Variants in UNC5D observed in about 807,000 individuals in gnomAD.
UNC5D encodes the protein unc-5 netrin receptor D.
In UNC5D, 39 loss-of-function variants were observed where a neutral mutation model predicts 105.4. The ratio of observed to expected loss-of-function variants is 0.37; its 90% CI spans 0.29 to 0.48. The LOEUF (loss-of-function observed/expected upper bound fraction) is 0.48, where lower values mean the gene tolerates loss of function less well. UNC5D is among the 20% of genes least tolerant of loss of function. The probability of loss-of-function intolerance (pLI) is 0.98; values close to 1 mark genes in which losing one functional copy is unlikely to be tolerated. For synonymous variants in UNC5D, 452 were observed against 450.4 expected, an observed-to-expected ratio of 1.00 and a Z score of -0.04; for missense variants, 991 against 1,202.4, an observed-to-expected ratio of 0.82 and a Z score of 2.60.
At chr8:35,292,716 C>CTTT (rs35935733) in intron 1 of UNC5D, among the ~76,000 whole-genome samples, 70 of 123,614 alleles carry the variant, frequency 5.7e-4, no homozygotes, top group South Asian at 7.9e-4. Flanking sequence ...CTTTTTTTTC[C>CTTT]TTTTTTTTTT....
intron 1 of UNC5D, among the ~76,000 whole-genome samples, chr8:35,457,396 C>T (rs1220278461): frequency 2.6e-5 from 4 of 152,132 alleles, no homozygotes; most frequent in Non-Finnish European, 5.9e-5. Flanking sequence ...AACAGAATGA[C>T]AATGACCAGG....
intron 1 of UNC5D, among the ~76,000 whole-genome samples, chr8:35,421,424 CAAATT>C (rs992278147): frequency 2.6e-5 from 4 of 152,098 alleles, no homozygotes; most frequent in African/African-American, 9.7e-5. Context: ...TATATAAACA[CAAATT>C]AAAAGGCCAC....
chr8:35,493,281 C>CAAAAAAAAAA (rs35199794), intron 1 of UNC5D, among the ~76,000 whole-genome samples: 2 of 67,166 alleles, frequency 3.0e-5, no homozygotes, highest in East Asian at 5.0e-4. Flanking sequence ...AGTCTGTGAC[C>CAAAAAAAAAA]AAAAAAAAAA....
intron 1 of UNC5D, among the ~76,000 whole-genome samples, chr8:35,311,775 C>T (rs553648524): frequency 2.6e-5 from 4 of 152,028 alleles, no homozygotes; most frequent in African/African-American, 9.6e-5. Context: ...GAAGGAAGAC[C>T]CTAGAGACAA....
chr8:35,471,877 A>G (rs1051515730), intron 1 of UNC5D, among the ~76,000 whole-genome samples: 1 of 152,216 alleles, frequency 6.6e-6, no homozygotes, highest in African/African-American at 2.4e-5. Context: ...ACTGAGATAT[A>G]TTGATGCCTT....
chr8:35,739,813 G>A (rs1452508461), intron 11 of UNC5D, among the ~76,000 whole-genome samples: 1 of 151,974 alleles, frequency 6.6e-6, no homozygotes, highest in Non-Finnish European at 1.5e-5. Context: ...TTTTGTTATA[G>A]CCTAATAAAA....
intron 1 of UNC5D, among the ~76,000 whole-genome samples, chr8:35,324,677 A>G (rs1810019156): frequency 6.6e-6 from 1 of 152,216 alleles, no homozygotes; most frequent in Non-Finnish European, 1.5e-5. Flanking sequence ...AATATTCAGC[A>G]TGAGATGACC....
At chr8:35,375,907 T>G (rs978340613) in intron 1 of UNC5D, among the ~76,000 whole-genome samples, 2 of 152,202 alleles carry the variant, frequency 1.3e-5, no homozygotes, top group African/African-American at 2.4e-5. Context: ...TGATTTTCAA[T>G]ATGAAAATTC....
chr8:35,423,963 A>AT (rs1806083162), intron 1 of UNC5D, among the ~76,000 whole-genome samples: 1 of 151,890 alleles, frequency 6.6e-6, no homozygotes, highest in South Asian at 2.1e-4. Context: ...AGTCTGGCTA[A>AT]TTAAAAAAAA....
At chr8:35,768,818 A>G (rs916199111) in intron 15 of UNC5D, among the ~76,000 whole-genome samples, 1 of 152,218 alleles carries the variant, frequency 6.6e-6, no homozygotes, top group Non-Finnish European at 1.5e-5. Flanking sequence ...ATAACATCAT[A>G]ATATCTCTTG....
chr8:35,575,213 G>A (rs965375855), intron 3 of UNC5D, among the ~76,000 whole-genome samples: 3 of 152,106 alleles, frequency 2.0e-5, no homozygotes. Flanking sequence ...ACTGCTTGAG[G>A]ATTCAACCTG....
intron 1 of UNC5D, among the ~76,000 whole-genome samples, chr8:35,261,979 G>A (rs1440107434): frequency 6.6e-6 from 1 of 152,012 alleles, no homozygotes; most frequent in Non-Finnish European, 1.5e-5. Flanking sequence ...TAGTTGTCTG[G>A]GTTTCTTGAT....
At chr8:35,429,491 C>G (rs560947899) in intron 1 of UNC5D, among the ~76,000 whole-genome samples, 1 of 152,094 alleles carries the variant, frequency 6.6e-6, no homozygotes, top group South Asian at 2.1e-4. Flanking sequence ...ATACTGATGT[C>G]AGAGCATAAG....
At chr8:35,784,870 T>C (rs1259188364) in intron 16 of UNC5D, among the ~76,000 whole-genome samples, 1 of 152,148 alleles carries the variant, frequency 6.6e-6, no homozygotes, top group Non-Finnish European at 1.5e-5. Flanking sequence ...TGATCAGAAT[T>C]TGAAAAGGCT....
intron 1 of UNC5D, among the ~76,000 whole-genome samples, chr8:35,262,400 T>A (rs1417897525): frequency 6.6e-6 from 1 of 152,220 alleles, no homozygotes; most frequent in Non-Finnish European, 1.5e-5. Context: ...AGCCCTGTTT[T>A]CTTAAATATT....
chr8:35,347,824 A>G (rs377032044), intron 1 of UNC5D, among the ~76,000 whole-genome samples: 44 of 152,150 alleles, frequency 2.9e-4, no homozygotes, highest in Middle Eastern at 3.4e-3. Context: ...CAGTTGAAAT[A>G]TCACTTGAAA....
intron 1 of UNC5D, among the ~76,000 whole-genome samples, chr8:35,489,673 A>T (rs1318611349): frequency 6.6e-6 from 1 of 152,196 alleles, no homozygotes; most frequent in African/African-American, 2.4e-5. Flanking sequence ...GTATCATGTT[A>T]TGTCAGCCCT....
At chr8:35,687,063 C>T (rs1324051169) in intron 7 of UNC5D, among the ~76,000 whole-genome samples, 1 of 152,096 alleles carries the variant, frequency 6.6e-6, no homozygotes, top group Admixed American at 6.6e-5. Flanking sequence ...TATATTTCCC[C>T]CCAGGAATTT....
Position 35,750,582 on chromosome 8 carries a change from G to A in UNC5D, c.1936G>A (p.Glu646Lys). ...AGAATAAACATACCTTTCCCAACAG[G>A]AAGTGATGTCAGTGGAAGATGAATC... ...KKRTQQGKWEEVMSVEDESTS... is the reference protein window; with the variant it reads ...KKRTQQGKWEKVMSVEDESTS... Residue 646 changes from glutamate (E) to lysine (K), a missense_variant and splice_region_variant, in exon 13 of 17, where the codon GAA becomes AAA. Glu to Lys is a moderately conservative substitution (Grantham distance 56). Around this residue, in one of 3 missense-constraint regions of UNC5D, gnomAD observed 944 missense variants for 1,131.6 expected, o/e 0.83. Transcript: ENST00000404895. 6.2e-7 allele frequency: 1 copy of A among 1,614,050 alleles called. No individual in the cohort carries two copies. The highest frequency in any genetic ancestry group is 8.5e-7 in the Non-Finnish European group (1 of 1,179,930).
Sources: gnomAD v4.1 joint callset for allele counts (sites outside exome capture counted in the v4.1 genomes callset) on GRCh38, gnomAD v4.1.1 for gene constraint, gnomAD v4.1.1 regional missense constraint, MANE v1.5 for transcripts, NCBI Gene and HGNC (gene_info 2026-07-23, HGNC 2026-07-21) for gene names.